Variants in HIF3A observed in about 807,000 individuals in gnomAD.
HIF3A encodes hypoxia inducible factor 3 subunit alpha, also known as hypoxia-inducible factor 3-alpha.
In HIF3A, 41 loss-of-function variants were observed where a neutral mutation model predicts 67.2. The ratio of observed to expected loss-of-function variants is 0.61; its 90% confidence interval spans 0.48 to 0.79. The LOEUF (loss-of-function observed/expected upper bound fraction) is 0.79, where lower values mean the gene tolerates loss of function less well. Ranked by LOEUF, HIF3A falls within the 30% of genes least tolerant of loss-of-function variation. The pLI, the probability that HIF3A is intolerant of heterozygous loss-of-function variation, is 0.00. For missense variants in HIF3A, 855 were observed against 898.0 expected, an observed-to-expected ratio of 0.95 and a Z score of 0.61; for synonymous variants, 356 against 374.8, an observed-to-expected ratio of 0.95 and a Z score of 0.58.
At position 46,320,514 on chromosome 19, in the gene HIF3A, G is replaced by C; in HGVS notation, c.1097G>C (p.Arg366Pro). Reference protein sequence around the residue: ...TEQHSRRPIQRGAPSQKDTPN... With the variant: ...TEQHSRRPIQPGAPSQKDTPN... ...CAACACTCTCGCAGACCCATTCAGC[G>C]GGGCGCCCCCTCTCAGAAGGACACC... Residue 366 changes from arginine (R) to proline (P), a missense_variant, in exon 9 of 15, where the codon CGG (arginine) becomes CCG (proline). Arg to Pro is a moderately radical substitution (Grantham distance 103). Coordinates refer to ENST00000377670, the MANE Select transcript of HIF3A (RefSeq NM_152795.4). 1 of 1,614,118 alleles carries C rather than the reference G, an allele frequency of 6.2e-7. No individual in the cohort carries two copies. The highest frequency in any genetic ancestry group is 1.7e-5 in the Admixed American group (1 of 60,012).
chr19:46,315,528 A>G (rs1367587582), intron 8 of HIF3A, among the ~76,000 whole-genome samples: 1 of 151,466 alleles, frequency 6.6e-6, no homozygotes, highest in Non-Finnish European at 1.5e-5. Context: ...ATTCTCATAC[A>G]AGATTTTATG....
At chr19:46,300,781 C>T (rs866373136) in intron 1 of HIF3A, among the ~76,000 whole-genome samples, 6 of 152,140 alleles carry the variant, frequency 3.9e-5, no homozygotes, top group Admixed American at 1.3e-4. Context: ...GGAACTAGCC[C>T]CCAGTCTGTG....
intron 14 of HIF3A, among the ~76,000 whole-genome samples, chr19:46,336,240 C>T (rs1300462635): frequency 6.6e-6 from 1 of 151,282 alleles, no homozygotes; most frequent in Non-Finnish European, 1.5e-5. Context: ...CTACAGGCGC[C>T]CGCCACCTCG....
chr19:46,308,361 AC>A, intron 4 of HIF3A, 56 bp downstream of exon 4: 1 of 1,088,202 alleles, frequency 9.2e-7, no homozygotes, highest in Non-Finnish European at 1.4e-6. Flanking sequence ...CTGAGGCTCC[AC>A]CCCTCCCTCA....
intron 8 of HIF3A, chr19:46,313,058 T>A (rs1395248729): frequency 6.0e-5 from 52 of 860,904 alleles, no homozygotes; most frequent in Non-Finnish European, 7.1e-5. Flanking sequence ...GAAACCAGCC[T>A]GGGCAACATG....
At chr19:46,326,400 C>T (rs998830189) in intron 11 of HIF3A, among the ~76,000 whole-genome samples, 2 of 152,168 alleles carry the variant, frequency 1.3e-5, no homozygotes, top group African/African-American at 2.4e-5. Context: ...GACAAATCAT[C>T]GCTTCTGCCA....
At chr19:46,310,093 C>T (rs747173055) in intron 6 of HIF3A, among the ~76,000 whole-genome samples, 2 of 152,126 alleles carry the variant, frequency 1.3e-5, no homozygotes, top group Non-Finnish European at 2.9e-5. Flanking sequence ...GGCATGGTGG[C>T]GCATGCCTAA....
chr19:46,334,845 G>A (rs1019219977), intron 13 of HIF3A, 60 bp from the exon 14 acceptor site: 104 of 1,419,306 alleles, frequency 7.3e-5, no homozygotes, highest in East Asian at 1.4e-4. Flanking sequence ...CACCACTCCC[G>A]GCTGTTCCTT....
At chr19:46,298,215 T>TCCTCTCCCCCGTCC in intron 1 of HIF3A, 1 of 273,774 alleles carries the variant, frequency 3.7e-6, no homozygotes, top group Admixed American at 4.9e-5. Flanking sequence ...ACCGCCCCCA[T>TCCTCTCCCCCGTCC]CCTCTCCCCT....
chr19:46,312,639 C>T lies in HIF3A; in HGVS notation c.1011C>T (p.Val337=), dbSNP rs1212730011. The T allele has an allele frequency of 1.3e-6, 2 of 1,559,978 alleles. No individual in the cohort carries two copies. The highest frequency in any genetic ancestry group is 3.8e-5 in the Admixed American group (2 of 52,162). The change falls in exon 8 of 15, where the codon GTC becomes GTT. Residue 337 remains valine, a synonymous_variant. Transcript: ENST00000377670. ...CCCAGTCGGAGAGTATCGTCTGTGT[C>T]CATTTTTTAATCAGGTAAGCAGGAG... The part of the protein sequence containing the change: ...RGPQSESIVC[V]HFLISQVEET...
intron 10 of HIF3A, 120 bp from the exon 11 acceptor site, chr19:46,325,415 C>T: frequency 1.4e-6 from 1 of 706,808 alleles, no homozygotes; most frequent in Non-Finnish European, 2.5e-6. Context: ...GTTGGACCCC[C>T]TTTGTGCCCC....
intron 14 of HIF3A, among the ~76,000 whole-genome samples, chr19:46,335,531 A>G (rs924335995): frequency 2.0e-5 from 3 of 152,124 alleles, no homozygotes; most frequent in East Asian, 1.9e-4. Flanking sequence ...TGACCTCTCA[A>G]TGTGCTGGAA....
chr19:46,339,790 T>C lies in HIF3A; in HGVS notation c.*168T>C. On this transcript the variant is annotated 3_prime_UTR_variant, in exon 15 of 15. Transcript: ENST00000377670. ...CCTCAGCCCTCACCCCTCTGCCTGC[T>C]CCCAATCTGGGGGCTCTCTGGGGTG... is the stretch of plus-strand genomic sequence containing the variant. 1 of 448,192 alleles carries C rather than the reference T, an allele frequency of 2.2e-6. No individual in the cohort carries two copies. Among genetic ancestry groups the C allele is most frequent in the Non-Finnish European group, 3.9e-6 (1 of 253,940 alleles). The allele number at this position is 448,192 out of a possible 1,614,324, so 27.8% of individuals were successfully genotyped here.
At chr19:46,336,018 G>A (rs887898269) in intron 14 of HIF3A, among the ~76,000 whole-genome samples, 3 of 151,512 alleles carry the variant, frequency 2.0e-5, no homozygotes, top group East Asian at 1.9e-4. Flanking sequence ...TCCAACCTGC[G>A]TGACAGGGCG....
chr19:46,308,491 C>T (rs1012579231), intron 4 of HIF3A, 172 bp from the exon 5 acceptor site: 2 of 631,524 alleles, frequency 3.2e-6, no homozygotes, highest in Admixed American at 3.0e-5. Flanking sequence ...GGGGACACAG[C>T]CCTGCCCTGG....
At chr19:46,329,726 C>G (rs927923731) in intron 12 of HIF3A, among the ~76,000 whole-genome samples, 2 of 152,186 alleles carry the variant, frequency 1.3e-5, no homozygotes, top group African/African-American at 4.8e-5. Flanking sequence ...AACCAGGGCT[C>G]TCTCCTTTGG....
chr19:46,321,991 C>T (rs201751819), intron 10 of HIF3A, 25 bp downstream of exon 10: 1 of 1,610,340 alleles, frequency 6.2e-7, no homozygotes, highest in Admixed American at 1.7e-5. Context: ...CCATGTGAGC[C>T]CTCAGCATCC....
At chr19:46,322,013 C>T in intron 10 of HIF3A, 47 bp downstream of exon 10, 2 of 1,579,936 alleles carry the variant, frequency 1.3e-6, no homozygotes, top group Non-Finnish European at 1.7e-6. Flanking sequence ...GTGCTCAGTC[C>T]CTCAGGGGGT....
chr19:46,324,038 C>G (rs568874006), intron 10 of HIF3A, among the ~76,000 whole-genome samples: 34 of 152,168 alleles, frequency 2.2e-4, no homozygotes, highest in Non-Finnish European at 4.7e-4. Context: ...TCCTCCCACT[C>G]CAGCTTGTGA....
Sources: allele counts gnomAD v4.1 joint callset (sites outside exome capture counted in the v4.1 genomes callset), GRCh38; gene constraint gnomAD v4.1.1; transcripts MANE v1.5; gene names NCBI Gene and HGNC (gene_info 2026-07-23, HGNC 2026-07-21).